LRFN4: variants seen among roughly 807,000 people sequenced by gnomAD.
LRFN4 encodes the protein leucine rich repeat and fibronectin type III domain containing 4, also known as leucine-rich repeat and fibronectin type-III domain-containing protein 4.
Under a neutral mutation model 29.0 loss-of-function variants are expected in LRFN4, and 10 were observed. The ratio of observed to expected loss-of-function variants is 0.35; its 90% confidence interval spans 0.21 to 0.59. The LOEUF is 0.59. LRFN4 is among the 20% of genes least tolerant of loss of function. The probability of loss-of-function intolerance (pLI) is 0.82; values close to 1 mark genes in which losing one functional copy is unlikely to be tolerated. For missense variants in LRFN4, 850 were observed against 907.9 expected, an observed-to-expected ratio of 0.94 and a Z score of 0.82; for synonymous variants, 493 against 437.0, an observed-to-expected ratio of 1.13 and a Z score of -1.60.
Position 66,859,700 on chromosome 11 carries a change from C to T in LRFN4, c.1413C>T (p.Asp471=), listed in dbSNP as rs374386396. ...LKHLVPGADY[D]LCLLALSPAA... is the part of the protein sequence containing the mutation. ...ACCTCGTCCCCGGCGCTGACTATGACCTCTGCCTGCTGGCCTTGTCACCGG... is the reference window on the plus strand; with the variant it reads ...ACCTCGTCCCCGGCGCTGACTATGATCTCTGCCTGCTGGCCTTGTCACCGG... Residue 471 remains aspartate, a synonymous_variant, in exon 2 of 2, where the codon GAC becomes GAT. Coordinates refer to ENST00000309602, the MANE Select transcript of LRFN4 (RefSeq NM_024036.5). 1.7e-5 allele frequency: 27 copies of T among 1,612,646 alleles called. No homozygotes were observed. The highest frequency in any genetic ancestry group is 3.3e-5 in the South Asian group (3 of 90,990).
chr11:66,858,505 T>C lies in LRFN4; in HGVS notation c.761T>C (p.Leu254Pro). The C allele has an allele frequency of 2.6e-6, 4 of 1,536,652 alleles. No individual in the cohort carries two copies. Among genetic ancestry groups the C allele is most frequent in the Non-Finnish European group, 3.5e-6 (4 of 1,147,094 alleles). ...CGGCGGCTGGCGCGGCCGGACGACC[T>C]GGAAACGTGCGCCTCCCCGCCCGGC... ...WLRRLARPDD[L>P]ETCASPPGLA... The change falls in exon 1 of 2, where the codon CTG becomes CCG. Residue 254 changes from leucine (L) to proline (P), a missense_variant. Coordinates refer to ENST00000309602, the MANE Select transcript of LRFN4 (RefSeq NM_024036.5). The surrounding 1 kb of genome is among the most constrained non-coding windows in gnomAD (Gnocchi z 5.9).
At position 66,859,028 on chromosome 11, in the gene LRFN4, A is replaced by G; in HGVS notation, c.1284A>G (p.Pro428=). The change falls in exon 1 of 2, where the codon CCA becomes CCG. Residue 428 remains proline (P), a synonymous_variant. Transcript: ENST00000309602. ...SGLVSWGPGR[P]ADPVWMFQIQ... The stretch of plus-strand genomic sequence containing the variant: ...TGGTGAGCTGGGGTCCCGGGCGGCC[A>G]GCCGACCCAGTGTGGATGTTCCAAA... The G allele has an allele frequency of 1.3e-6, 2 of 1,509,530 alleles. No individual in the cohort carries two copies. Among genetic ancestry groups the G allele is most frequent in the Non-Finnish European group, 1.8e-6 (2 of 1,129,148 alleles). The allele number at this position is 1,509,530 out of a possible 1,614,324, so 93.5% of individuals were successfully genotyped here.
Position 66,858,402 on chromosome 11 carries a change from G to T in LRFN4, c.658G>T (p.Ala220Ser). 1 of 1,560,200 alleles carries T rather than the reference G, an allele frequency of 6.4e-7. No individual in the cohort carries two copies. Residue 220 changes from alanine (A) to serine (S), a missense_variant, in exon 1 of 2, where the codon GCA becomes TCA. Coordinates refer to ENST00000309602, the MANE Select transcript of LRFN4 (RefSeq NM_024036.5). This position sits in a 1 kb window ranked among gnomAD's most constrained non-coding sequence, Gnocchi z 5.9. ...CCCGCTTTTCTCTCGTGGGCGTGAT[G>T]CAGAGGCCTCTCCCGCCCCCCTGGT... ...PDPLFSRGRD[A>S]EASPAPLVLS...
chr11:66,859,797 C>T lies in LRFN4; in HGVS notation c.1510C>T (p.Pro504Ser). The change falls in exon 2 of 2, where the codon CCC becomes TCC. Residue 504 changes from proline to serine, a missense_variant. This residue lies in a region of LRFN4 where 744 missense variants were observed against 753.8 expected (regional missense o/e 0.99). Coordinates refer to ENST00000309602, the MANE Select transcript of LRFN4 (RefSeq NM_024036.5). Reference sequence around the variant, plus strand: ...CCATTTCTCCACGCTGCCGGCCTCGCCCCTGTGCCACGCCCTGCAGGCCCA... The same window carrying T: ...CCATTTCTCCACGCTGCCGGCCTCGTCCCTGTGCCACGCCCTGCAGGCCCA... ...CAHFSTLPAS[P>S]LCHALQAHVL... The T allele has an allele frequency of 6.3e-7, 1 of 1,595,322 alleles. No homozygotes were observed. The highest frequency in any genetic ancestry group is 8.5e-7 in the Non-Finnish European group (1 of 1,170,896).
rs142190580 is a variant in LRFN4, at chr11:66,859,853, G to T, written c.1566G>T (p.Val522=). The part of the protein sequence containing the change: ...HVLGGTLTVA[V]GGVLVAALLV... ...TGGGCGGGACCCTGACCGTGGCCGT[G>T]GGGGGTGTGCTGGTGGCTGCCTTAC... is the stretch of plus-strand genomic sequence containing the variant. Residue 522 remains valine, a synonymous_variant, in exon 2 of 2, where the codon GTG becomes GTT. Coordinates refer to ENST00000309602, the MANE Select transcript of LRFN4 (RefSeq NM_024036.5). 5.2e-5 allele frequency: 82 copies of T among 1,564,358 alleles called. No homozygotes were observed. The highest frequency in any genetic ancestry group is 6.9e-5 in the Non-Finnish European group (80 of 1,154,472).
In LRFN4 at chr11:66,860,356, C is replaced by T. The variant is rs1286889204; in HGVS notation, c.*161C>T. 9 of 1,105,674 alleles carry T rather than the reference C, an allele frequency of 8.1e-6. No individual in the cohort carries two copies. Among genetic ancestry groups the T allele is most frequent in the South Asian group, 5.3e-5 (4 of 75,574 alleles). 68.5% of individuals were successfully genotyped at this position (1,105,674 alleles called of 1,614,324 possible). A position where few individuals can be genotyped will look rare whatever the true frequency, so the allele number is the denominator to read the frequency against. On this transcript the variant is annotated 3_prime_UTR_variant, in exon 2 of 2. Transcript: ENST00000309602. ...AGGGAGCCCTTTCCTCGGTTCTGGCCTCCAGACCAGGGTAAGGGCAGGCCC... is the reference window on the plus strand; with the variant it reads ...AGGGAGCCCTTTCCTCGGTTCTGGCTTCCAGACCAGGGTAAGGGCAGGCCC...
chr11:66,858,826 CA>C lies in LRFN4; in HGVS notation c.1083del (p.Ala362ProfsTer3). ...GCCACCAACCCTGCTGGTGAGGCCA[CA>C]GCCCGAGTAGAACTGCGGGTGCTGG... The part of the protein sequence containing the change: ...CIATNPAGEA[T>X]ARVELRVLAL... On this transcript the variant is annotated frameshift_variant, in exon 1 of 2. Coordinates refer to ENST00000309602, the MANE Select transcript of LRFN4 (RefSeq NM_024036.5). LOFTEE classifies it high-confidence loss of function. The surrounding 1 kb of genome is among the most constrained non-coding windows in gnomAD (Gnocchi z 5.9). 6.4e-7 allele frequency: 1 copy of C among 1,550,818 alleles called. No homozygotes were observed. Among genetic ancestry groups the C allele is most frequent in the Non-Finnish European group, 8.7e-7 (1 of 1,148,664 alleles).
chr11:66,857,085 T>G lies in LRFN4; in HGVS notation c.-660T>G, dbSNP rs564006027. On this transcript the variant is annotated 5_prime_UTR_variant, in exon 1 of 2. Coordinates refer to ENST00000309602, the MANE Select transcript of LRFN4 (RefSeq NM_024036.5). The surrounding 1 kb of genome is among the most constrained non-coding windows in gnomAD (Gnocchi z 7.1). ...GCCCGCCGGCGCGCACCCGCTCGCC[T>G]GTCGCCGCCGCCACCGCTAACCGCG... 2 of 147,078 alleles carry G rather than the reference T, an allele frequency of 1.4e-5. No homozygotes were observed. The highest frequency in any genetic ancestry group is 1.5e-5 in the Non-Finnish European group (1 of 66,060). The allele number at this position is 147,078 out of a possible 1,614,324, so 9.1% of individuals were successfully genotyped here.
chr11:66,860,437 C>T lies in LRFN4; in HGVS notation c.*242C>T, dbSNP rs1002348780. On this transcript the variant is annotated 3_prime_UTR_variant, in exon 2 of 2. Transcript: ENST00000309602. ...GGGGCTGCAGCCACCCACTGGGAGT[C>T]TTGTTTTTATTTATAATAAAATTGT... 1.4e-6 allele frequency: 1 copy of T among 706,360 alleles called. No homozygotes were observed. The highest frequency in any genetic ancestry group is 2.6e-6 in the Non-Finnish European group (1 of 388,388). 43.8% of individuals were successfully genotyped at this position (706,360 alleles called of 1,614,324 possible). A position where few individuals can be genotyped will look rare whatever the true frequency, so the allele number is the denominator to read the frequency against.
chr11:66,859,016 T>C lies in LRFN4; in HGVS notation c.1272T>C (p.Gly424=). The C allele has an allele frequency of 1.3e-6, 2 of 1,512,590 alleles. No homozygotes were observed. Among genetic ancestry groups the C allele is most frequent in the South Asian group, 1.3e-5 (1 of 75,632 alleles). The allele number at this position is 1,512,590 out of a possible 1,614,324, so 93.7% of individuals were successfully genotyped here. The stretch of plus-strand genomic sequence containing the variant: ...CCACCTCAGGGCTGGTGAGCTGGGG[T>C]CCCGGGCGGCCAGCCGACCCAGTGT... ...VTATSGLVSW[G]PGRPADPVWM... is the part of the protein sequence containing the mutation. The change falls in exon 1 of 2, where the codon GGT becomes GGC. Residue 424 remains glycine, a synonymous_variant. Transcript: ENST00000309602.
chr11:66,858,724 G>A lies in LRFN4; in HGVS notation c.980G>A (p.Arg327Gln), dbSNP rs1437169327. ...GACCGGTTGGTTGGCAACTCCTCCC[G>A]AGCCCGGGCTTTCCCCAACGGGACC... The part of the protein sequence containing the change: ...PDDRLVGNSS[R>Q]ARAFPNGTLE... Residue 327 changes from arginine (R) to glutamine (Q), a missense_variant, in exon 1 of 2, where the codon CGA becomes CAA. Transcript: ENST00000309602. This position sits in a 1 kb window ranked among gnomAD's most constrained non-coding sequence, Gnocchi z 5.9. 5.8e-6 allele frequency: 9 copies of A among 1,552,946 alleles called. No homozygotes were observed. Among genetic ancestry groups the A allele is most frequent in the East Asian group, 2.4e-5 (1 of 41,466 alleles).
chr11:66,860,122 A>C lies in LRFN4; in HGVS notation c.1835A>C (p.His612Pro). Reference sequence around the variant, plus strand: ...TGGGCCCGACGGAGCCACTCTGTGCATGGGGGGCTGCTCGGGGCAGGGTGC... The same window carrying C: ...TGGGCCCGACGGAGCCACTCTGTGCCTGGGGGGCTGCTCGGGGCAGGGTGC... ...GAWARRSHSVHGGLLGAGCRG... is the reference protein window; with the variant it reads ...GAWARRSHSVPGGLLGAGCRG... The change falls in exon 2 of 2, where the codon CAT (histidine) becomes CCT (proline). Residue 612 changes from histidine (H) to proline (P), a missense_variant. Transcript: ENST00000309602. The C allele has an allele frequency of 5.2e-6, 8 of 1,550,736 alleles. No homozygotes were observed. The highest frequency in any genetic ancestry group is 7.0e-6 in the Non-Finnish European group (8 of 1,147,612).
chr11:66,857,458 C>G lies in LRFN4; in HGVS notation c.-287C>G, dbSNP rs1230248644. 9 of 393,370 alleles carry G rather than the reference C, an allele frequency of 2.3e-5. No individual in the cohort carries two copies. Among genetic ancestry groups the G allele is most frequent in the Non-Finnish European group, 3.6e-5 (8 of 221,608 alleles). 24.4% of individuals were successfully genotyped at this position (393,370 alleles called of 1,614,324 possible). A position where few individuals can be genotyped will look rare whatever the true frequency, so the allele number is the denominator to read the frequency against. On this transcript the variant is annotated 5_prime_UTR_variant, in exon 1 of 2. Coordinates refer to ENST00000309602, the MANE Select transcript of LRFN4 (RefSeq NM_024036.5). This position sits in a 1 kb window ranked among gnomAD's most constrained non-coding sequence, Gnocchi z 7.1. ...GCCTGGGAAAGGAAGTTCCGGGACC[C>G]TCCCTGCTCTCGGTCCTCCTCCGCT...
In LRFN4 at chr11:66,859,412, T is replaced by G. The variant is rs181326027; in HGVS notation, c.1350-225T>G. Among the ~76,000 whole-genome samples, 166 of 152,308 alleles carry G rather than the reference T, an allele frequency of 1.1e-3. 1 individual carries two copies. The highest frequency in any genetic ancestry group is 3.9e-3 in the African/African-American group (164 of 41,556). On this transcript the variant is annotated intron_variant, in intron 1 of 1. Coordinates refer to ENST00000309602, the MANE Select transcript of LRFN4 (RefSeq NM_024036.5). The stretch of plus-strand genomic sequence containing the variant: ...GCCCGCGTGTTATTTCTGCCTCTGC[T>G]GGTGCCATCCCCCCACCCCATTCCC...
rs924967361 is a variant in LRFN4 at position 66,859,573 on chromosome 11, G to A, written c.1350-64G>A. 90 of 1,601,170 alleles carry A rather than the reference G, an allele frequency of 5.6e-5. 1 individual carries two copies. The Middle Eastern group carries it at 3.7e-3, about 66-fold the overall frequency. ...GGTGTTTGGAGCTGGGAGCACGGGAGTGGGGAGGTGAGGATGGGGCTAGAC... is the reference window on the plus strand; with the variant it reads ...GGTGTTTGGAGCTGGGAGCACGGGAATGGGGAGGTGAGGATGGGGCTAGAC... On this transcript the variant is annotated intron_variant, in intron 1 of 1. Coordinates refer to ENST00000309602, the MANE Select transcript of LRFN4 (RefSeq NM_024036.5).
Position 66,858,202 on chromosome 11 carries a change from C to T in LRFN4, c.458C>T (p.Ser153Phe). Residue 153 changes from serine to phenylalanine, a missense_variant, in exon 1 of 2, where the codon TCC becomes TTC. By Grantham distance (155) the Ser-to-Phe change is radical. This residue lies in a region of LRFN4 where 744 missense variants were observed against 753.8 expected (regional missense o/e 0.99). Transcript: ENST00000309602. This position sits in a 1 kb window ranked among gnomAD's most constrained non-coding sequence, Gnocchi z 5.9. ...FLESLEDLDLSYNNLRQVPWA... is the reference protein window; with the variant it reads ...FLESLEDLDLFYNNLRQVPWA... The stretch of plus-strand genomic sequence containing the variant: ...GAGAGCCTGGAGGACCTGGACCTGT[C>T]CTACAACAACCTCCGGCAGGTGCCC... 1 of 1,612,436 alleles carries T rather than the reference C, an allele frequency of 6.2e-7. No individual in the cohort carries two copies. Among genetic ancestry groups the T allele is most frequent in the Non-Finnish European group, 8.5e-7 (1 of 1,179,870 alleles).
At position 66,860,076 on chromosome 11, in the gene LRFN4, G is replaced by A. The variant is rs765536979; in HGVS notation, c.1789G>A (p.Ala597Thr). ...DLGDAGCYGY[A>T]RRLGGAWARR... ...GGGAGATGCCGGGTGCTACGGTTAT[G>A]CCAGGCGCCTGGGAGGAGCTTGGGC... The change falls in exon 2 of 2, where the codon GCC (alanine) becomes ACC (threonine). Residue 597 changes from alanine (A) to threonine (T), a missense_variant. This residue lies in a region of LRFN4 where 744 missense variants were observed against 753.8 expected (regional missense o/e 0.99). Transcript: ENST00000309602. The A allele has an allele frequency of 1.8e-5, 28 of 1,558,672 alleles. 1 individual carries two copies. The highest frequency in any genetic ancestry group is 1.8e-4 in the South Asian group (15 of 85,224).
rs1321824634 is a variant in LRFN4, at chr11:66,859,972, G to C, written c.1685G>C (p.Gly562Ala). 5.6e-6 allele frequency: 9 copies of C among 1,601,280 alleles called. No individual in the cohort carries two copies. The African/African-American group carries it at 1.2e-4, about 21-fold the overall frequency. Residue 562 changes from glycine to alanine, a missense_variant, in exon 2 of 2, where the codon GGA (glycine) becomes GCA (alanine). Gly to Ala is a moderately conservative substitution (Grantham distance 60, BLOSUM62 0). Around this residue, in one of 2 missense-constraint regions of LRFN4, gnomAD observed 744 missense variants for 753.8 expected, o/e 0.99. Transcript: ENST00000309602. ...AGCCACGTCCAGTCCCAGACCAATG[G>C]AGGCCCCAGCCCCACACCCAAGGCC... ...KLSHVQSQTN[G>A]GPSPTPKAHP...
In LRFN4 at chr11:66,858,732, G is replaced by C. The variant is rs1005700699; in HGVS notation, c.988G>C (p.Ala330Pro). ...GGTTGGCAACTCCTCCCGAGCCCGG[G>C]CTTTCCCCAACGGGACCTTAGAGAT... is the stretch of plus-strand genomic sequence containing the variant. Reference protein sequence around the residue: ...RLVGNSSRARAFPNGTLEIGV... With the variant: ...RLVGNSSRARPFPNGTLEIGV... Residue 330 changes from alanine (A) to proline (P), a missense_variant, in exon 1 of 2, where the codon GCT becomes CCT. By Grantham distance (27) the Ala-to-Pro change is conservative. This residue lies in a region of LRFN4 where 744 missense variants were observed against 753.8 expected (regional missense o/e 0.99). Transcript: ENST00000309602. The surrounding 1 kb of genome is among the most constrained non-coding windows in gnomAD (Gnocchi z 5.9). The C allele has an allele frequency of 1.3e-6, 2 of 1,554,272 alleles. No homozygotes were observed. The highest frequency in any genetic ancestry group is 1.7e-6 in the Non-Finnish European group (2 of 1,148,638).
Sources: gnomAD v4.1 joint callset for allele counts (sites outside exome capture counted in the v4.1 genomes callset) on GRCh38, gnomAD v4.1.1 for gene constraint, gnomAD v4.1.1 regional missense constraint, Gnocchi (gnomAD v3.1) non-coding constraint, MANE v1.5 for transcripts, NCBI Gene and HGNC (gene_info 2026-07-23, HGNC 2026-07-21) for gene names.